DSCAM: variants seen among roughly 807,000 people sequenced by gnomAD.
The protein encoded by DSCAM is cell adhesion molecule DSCAM.
DSCAM carries 47 observed loss-of-function variants against 217.7 expected under a neutral mutation model. That is an observed-to-expected ratio of 0.22 (90% CI 0.17 to 0.28). DSCAM has a LOEUF of 0.28. DSCAM is among the 10% of genes least tolerant of loss of function. The pLI, the probability that DSCAM is intolerant of heterozygous loss-of-function variation, is 1.00. For synonymous variants in DSCAM, 1,056 were observed against 1,015.3 expected, an observed-to-expected ratio of 1.04 and a Z score of -0.76; for missense variants, 2,080 against 2,618.3, an observed-to-expected ratio of 0.79 and a Z score of 4.49.
chr21:40,825,266 T>TTCC (rs2091958827), intron 1 of DSCAM, among the ~76,000 whole-genome samples: 4 of 140,062 alleles, frequency 2.9e-5, no homozygotes, highest in East Asian at 4.3e-4. Flanking sequence ...ATTTTCTTTC[T>TTCC]TTCCTTCCTT....
At chr21:40,779,251 A>G (rs2091518535) in intron 1 of DSCAM, among the ~76,000 whole-genome samples, 1 of 152,136 alleles carries the variant, frequency 6.6e-6, no homozygotes, top group African/African-American at 2.4e-5. Context: ...GAGTAGAGAG[A>G]GGCAAGACGG....
chr21:40,066,143 TCAGA>T (rs2089203444), intron 27 of DSCAM, among the ~76,000 whole-genome samples: 1 of 152,206 alleles, frequency 6.6e-6, no homozygotes, highest in African/African-American at 2.4e-5. Flanking sequence ...GCCTTATATC[TCAGA>T]CAGCCCTTCC....
At chr21:40,055,552 A>G (rs2089001432) in intron 29 of DSCAM, among the ~76,000 whole-genome samples, 173 bp downstream of exon 29, 1 of 152,192 alleles carries the variant, frequency 6.6e-6, no homozygotes. Context: ...TTTTCTGCAC[A>G]TTTGCTGGTA....
chr21:40,252,180 A>G (rs2073313856), intron 11 of DSCAM, among the ~76,000 whole-genome samples: 1 of 152,244 alleles, frequency 6.6e-6, no homozygotes, highest in Admixed American at 6.5e-5. Flanking sequence ...CTGTAAGAAC[A>G]TAAGTGTATG....
In DSCAM at chr21:40,576,412, T is replaced by C. The variant is rs1161976378; in HGVS notation, c.508+116398A>G. Reference sequence around the variant, plus strand: ...CTGGGTTGGGTGCAGGCTGGGACACTGATAATTATGGGAGCAAGGGAATCT... The same window carrying C: ...CTGGGTTGGGTGCAGGCTGGGACACCGATAATTATGGGAGCAAGGGAATCT... On this transcript the variant is annotated intron_variant, in intron 3 of 32. Coordinates refer to ENST00000400454, the MANE Select transcript of DSCAM (RefSeq NM_001389.5). Among the ~76,000 whole-genome samples the C allele has an allele frequency of 2.6e-5, 4 of 152,216 alleles. No homozygotes were observed. In the South Asian group the frequency reaches 6.2e-4, roughly 24 times the overall value.
chr21:40,400,501 G>C (rs1601614131), intron 3 of DSCAM, among the ~76,000 whole-genome samples: 1 of 152,022 alleles, frequency 6.6e-6, no homozygotes, highest in South Asian at 2.1e-4. Flanking sequence ...ACTGAGGTAA[G>C]TTTTTTTTCT....
chr21:40,217,268 G>A (rs1601451596), intron 11 of DSCAM, among the ~76,000 whole-genome samples: 1 of 152,140 alleles, frequency 6.6e-6, no homozygotes, highest in Non-Finnish European at 1.5e-5. Context: ...AAAAAGCATA[G>A]AAAGATATCA....
chr21:40,452,013 C>T (rs1449855777), intron 3 of DSCAM, among the ~76,000 whole-genome samples: 1 of 152,032 alleles, frequency 6.6e-6, no homozygotes, highest in Non-Finnish European at 1.5e-5. Flanking sequence ...TTGATTACCT[C>T]CCTGGGACTA....
At chr21:40,369,790 A>G (rs2123699568) in intron 3 of DSCAM, among the ~76,000 whole-genome samples, 1 of 152,316 alleles carries the variant, frequency 6.6e-6, no homozygotes, top group South Asian at 2.1e-4. Context: ...AGGCTGTCTT[A>G]TTTCCTCACA....
At chr21:40,684,273 G>A (rs1412327645) in intron 3 of DSCAM, among the ~76,000 whole-genome samples, 1 of 152,160 alleles carries the variant, frequency 6.6e-6, no homozygotes, top group Non-Finnish European at 1.5e-5. Flanking sequence ...AATGCTCAAT[G>A]TGCCCAGTCT....
chr21:40,050,148 G>A lies in DSCAM; in HGVS notation c.5185+1810C>T, dbSNP rs577614792. ...TCACCCAGGGTGTCTGTTACCATGCGGATTCCTAGGCCAGAATCTCTGGGT... is the reference window on the plus strand; with the variant it reads ...TCACCCAGGGTGTCTGTTACCATGCAGATTCCTAGGCCAGAATCTCTGGGT... On this transcript the variant is annotated intron_variant, in intron 30 of 32. Coordinates refer to ENST00000400454, the MANE Select transcript of DSCAM (RefSeq NM_001389.5). Among the ~76,000 whole-genome samples the A allele has an allele frequency of 2.0e-5, 3 of 152,226 alleles. No individual in the cohort carries two copies. In the South Asian group the frequency reaches 6.2e-4, roughly 32 times the overall value.
At chr21:40,524,599 C>T (rs956989269) in intron 3 of DSCAM, among the ~76,000 whole-genome samples, 1 of 152,158 alleles carries the variant, frequency 6.6e-6, no homozygotes, top group African/African-American at 2.4e-5. Flanking sequence ...GACAAGTCAA[C>T]TAATTCATTC....
At chr21:40,283,421 T>C (rs2073788242) in intron 10 of DSCAM, among the ~76,000 whole-genome samples, 1 of 152,224 alleles carries the variant, frequency 6.6e-6, no homozygotes, top group African/African-American at 2.4e-5. Context: ...ACTGAATTGC[T>C]AGTTATATTA....
At chr21:40,465,755 C>A (rs1465188682) in intron 3 of DSCAM, among the ~76,000 whole-genome samples, 2 of 152,134 alleles carry the variant, frequency 1.3e-5, no homozygotes. Context: ...AGACTGGACA[C>A]CCCTGTTCTA....
At chr21:40,729,260 A>C (rs2090988261) in intron 1 of DSCAM, among the ~76,000 whole-genome samples, 1 of 152,176 alleles carries the variant, frequency 6.6e-6, no homozygotes, top group African/African-American at 2.4e-5. Flanking sequence ...TGAGGAACAG[A>C]GCTGGGATTT....
At chr21:40,567,692 G>A (rs147164151) in intron 3 of DSCAM, among the ~76,000 whole-genome samples, 9 of 152,252 alleles carry the variant, frequency 5.9e-5, no homozygotes, top group East Asian at 5.8e-4. Flanking sequence ...CTCCCCTCAC[G>A]GGAATGCCAG....
At chr21:40,088,255 C>G (rs969211616) in intron 21 of DSCAM, among the ~76,000 whole-genome samples, 2 of 152,232 alleles carry the variant, frequency 1.3e-5, no homozygotes, top group East Asian at 3.9e-4. Flanking sequence ...TGGAAGGCAG[C>G]CTTGAACTGA....
chr21:40,202,660 C>A (rs2091082885), intron 11 of DSCAM, among the ~76,000 whole-genome samples: 1 of 152,238 alleles, frequency 6.6e-6, no homozygotes, highest in Non-Finnish European at 1.5e-5. Context: ...GGCCAACGCC[C>A]AGTATTTTGA....
At chr21:40,389,947 T>C (rs1404544606) in intron 3 of DSCAM, among the ~76,000 whole-genome samples, 1 of 152,162 alleles carries the variant, frequency 6.6e-6, no homozygotes, top group East Asian at 1.9e-4. Flanking sequence ...GAGCTACAAG[T>C]CTGGGTGTTT....
Sources: allele counts gnomAD v4.1 joint callset (sites outside exome capture counted in the v4.1 genomes callset), GRCh38; gene constraint gnomAD v4.1.1; transcripts MANE v1.5; gene names NCBI Gene and HGNC (gene_info 2026-07-23, HGNC 2026-07-21).